Variants in FBXL7 observed in about 807,000 individuals in gnomAD.
FBXL7 encodes the protein F-box and leucine rich repeat protein 7, also known as F-box/LRR-repeat protein 7.
Under a neutral mutation model 38.3 loss-of-function variants are expected in FBXL7, and 12 were observed. The observed-to-expected ratio is 0.31, with a 90% CI of 0.20 to 0.51. The LOEUF (loss-of-function observed/expected upper bound fraction) is 0.51. Among genes scored for constraint, FBXL7 ranks in the 20% least tolerant of loss-of-function variants. The probability of loss-of-function intolerance (pLI) is 0.98; values close to 1 mark genes in which losing one functional copy is unlikely to be tolerated. For missense variants in FBXL7, 567 were observed against 676.4 expected (o/e 0.84, Z 1.79); for synonymous variants, 297 against 300.9 (o/e 0.99, Z 0.13).
intron 1 of FBXL7, among the ~76,000 whole-genome samples, chr5:15,614,174 C>G (rs1025590320): frequency 1.3e-5 from 2 of 152,150 alleles, no homozygotes; most frequent in African/African-American, 4.8e-5. Flanking sequence ...AGCTGCACAT[C>G]AGAGTTTTGA....
chr5:15,784,010 T>C (rs1183378852), intron 2 of FBXL7, among the ~76,000 whole-genome samples: 1 of 152,178 alleles, frequency 6.6e-6, no homozygotes, highest in African/African-American at 2.4e-5. Flanking sequence ...TCTAGCATGG[T>C]GGCCCCAATG....
intron 2 of FBXL7, among the ~76,000 whole-genome samples, chr5:15,749,217 C>G (rs1460556868): frequency 7.1e-6 from 1 of 140,610 alleles, no homozygotes; most frequent in Non-Finnish European, 1.5e-5. Context: ...TGCACTCCAG[C>G]CTGGCCAACA....
At chr5:15,655,927 C>T (rs1741867254) in intron 2 of FBXL7, among the ~76,000 whole-genome samples, 1 of 152,170 alleles carries the variant, frequency 6.6e-6, no homozygotes, top group Non-Finnish European at 1.5e-5. Context: ...AAGTACTTTC[C>T]CTGCCAGAAC....
At chr5:15,662,495 C>G (rs1023054129) in intron 2 of FBXL7, among the ~76,000 whole-genome samples, 2 of 152,136 alleles carry the variant, frequency 1.3e-5, no homozygotes, top group African/African-American at 4.8e-5. Flanking sequence ...TGTGCAGAAG[C>G]TCTAAAGTTT....
At chr5:15,724,156 A>T (rs1376836372) in intron 2 of FBXL7, among the ~76,000 whole-genome samples, 2 of 152,106 alleles carry the variant, frequency 1.3e-5, no homozygotes, top group Non-Finnish European at 2.9e-5. Context: ...CACCTTTATG[A>T]TATTGATTTT....
chr5:15,850,250 A>G (rs544382233), intron 2 of FBXL7, among the ~76,000 whole-genome samples: 1 of 152,360 alleles, frequency 6.6e-6, no homozygotes, highest in African/African-American at 2.4e-5. Flanking sequence ...CGTTATTATG[A>G]AGCTTTGCAT....
intron 2 of FBXL7, among the ~76,000 whole-genome samples, chr5:15,633,916 G>A (rs1348671276): frequency 6.6e-6 from 1 of 151,860 alleles, no homozygotes; most frequent in Non-Finnish European, 1.5e-5. Context: ...GAGTACCTGG[G>A]ATTACAGGTG....
Position 15,616,067 on chromosome 5 carries a change from G to A in FBXL7, c.122G>A (p.Ser41Asn). Residue 41 changes from serine to asparagine, a missense_variant, in exon 2 of 4, where the codon AGC (serine) becomes AAC (asparagine). Coordinates refer to ENST00000504595, the MANE Select transcript of FBXL7 (RefSeq NM_012304.5). ...AAAGCCCAGAAGAATGTGGCTACCAGCGAAGGTAGGCAGCTGGTCTTCATT... is the reference window on the plus strand; with the variant it reads ...AAAGCCCAGAAGAATGTGGCTACCAACGAAGGTAGGCAGCTGGTCTTCATT... ...PTKAQKNVATSEDSDLSMRTL... is the reference protein window; with the variant it reads ...PTKAQKNVATNEDSDLSMRTL... 1.2e-6 allele frequency: 2 copies of A among 1,609,506 alleles called. No homozygotes were observed. The highest frequency in any genetic ancestry group is 1.7e-6 in the Non-Finnish European group (2 of 1,176,260).
intron 2 of FBXL7, among the ~76,000 whole-genome samples, chr5:15,716,150 A>T (rs1215248818): frequency 1.3e-5 from 2 of 152,204 alleles, no homozygotes; most frequent in African/African-American, 4.8e-5. Context: ...GTTTTTGTGT[A>T]CAGCTTTCAG....
At chr5:15,824,424 C>A (rs774086098) in intron 2 of FBXL7, among the ~76,000 whole-genome samples, 3 of 152,068 alleles carry the variant, frequency 2.0e-5, no homozygotes, top group Non-Finnish European at 4.4e-5. Flanking sequence ...CACTTCCCGG[C>A]CCAGTCTGTG....
chr5:15,873,668 G>A (rs1740071758), intron 2 of FBXL7, among the ~76,000 whole-genome samples: 2 of 152,150 alleles, frequency 1.3e-5, no homozygotes, highest in African/African-American at 4.8e-5. Flanking sequence ...AAATCTAGAA[G>A]AAGTGCATAA....
chr5:15,567,529 G>C (rs934239668), intron 1 of FBXL7, among the ~76,000 whole-genome samples: 1 of 151,840 alleles, frequency 6.6e-6, no homozygotes, highest in Non-Finnish European at 1.5e-5. Context: ...CGTTACTTGG[G>C]AATCTAGATA....
At chr5:15,866,126 A>ACAGTT (rs1739699164) in intron 2 of FBXL7, among the ~76,000 whole-genome samples, 1 of 152,220 alleles carries the variant, frequency 6.6e-6, no homozygotes, top group African/African-American at 2.4e-5. Context: ...AATCTATATG[A>ACAGTT]CAGTTTTGTT....
At chr5:15,712,005 C>G (rs555642864) in intron 2 of FBXL7, among the ~76,000 whole-genome samples, 54 of 152,138 alleles carry the variant, frequency 3.5e-4, no homozygotes, top group African/African-American at 1.3e-3. Flanking sequence ...ATGAACAATC[C>G]AAGTCTTTTA....
At chr5:15,593,127 G>A (rs1414158367) in intron 1 of FBXL7, among the ~76,000 whole-genome samples, 1 of 152,178 alleles carries the variant, frequency 6.6e-6, no homozygotes, top group South Asian at 2.1e-4. Flanking sequence ...AGCTTTACAG[G>A]GATCAGCTGG....
chr5:15,680,268 G>C (rs1392966598), intron 2 of FBXL7, among the ~76,000 whole-genome samples: 1 of 152,084 alleles, frequency 6.6e-6, no homozygotes, highest in Non-Finnish European at 1.5e-5. Flanking sequence ...AAACCTCACT[G>C]GGAATTTTTG....
At chr5:15,569,103 G>A (rs1305346299) in intron 1 of FBXL7, among the ~76,000 whole-genome samples, 2 of 152,164 alleles carry the variant, frequency 1.3e-5, no homozygotes, top group Non-Finnish European at 2.9e-5. Flanking sequence ...AAACTTTAAA[G>A]TAGTTTTTTC....
At chr5:15,670,693 C>G (rs534494949) in intron 2 of FBXL7, among the ~76,000 whole-genome samples, 14 of 151,934 alleles carry the variant, frequency 9.2e-5, no homozygotes, top group Non-Finnish European at 1.8e-4. Flanking sequence ...CCCAGTTACT[C>G]GGGAGGCTGA....
chr5:15,634,290 C>G (rs865903632), intron 2 of FBXL7, among the ~76,000 whole-genome samples: 3 of 147,596 alleles, frequency 2.0e-5, no homozygotes, highest in African/African-American at 5.0e-5. Flanking sequence ...AACAAATCAA[C>G]CTAAAACTTT....
Sources: allele counts gnomAD v4.1 joint callset (sites outside exome capture counted in the v4.1 genomes callset), GRCh38; gene constraint gnomAD v4.1.1; transcripts MANE v1.5; gene names NCBI Gene and HGNC (gene_info 2026-07-23, HGNC 2026-07-21).